CACNG3: variants seen among roughly 807,000 people sequenced by gnomAD.
The protein encoded by CACNG3 is calcium voltage-gated channel auxiliary subunit gamma 3.
A neutral mutation model predicts 28.5 loss-of-function variants in CACNG3; 3 were observed. The ratio of observed to expected loss-of-function variants is 0.11; its 90% CI spans 0.05 to 0.27. The LOEUF is 0.27. Ranked by LOEUF, CACNG3 falls within the 10% of genes least tolerant of loss-of-function variation. The probability of loss-of-function intolerance (pLI) is 1.00; values close to 1 mark genes in which losing one functional copy is unlikely to be tolerated. For missense variants in CACNG3, 236 were observed against 414.4 expected (o/e 0.57, Z 3.74); for synonymous variants, 174 against 162.2 (o/e 1.07, Z -0.55).
At chr16:24,339,437 G>A (rs564006751) in intron 1 of CACNG3, among the ~76,000 whole-genome samples, 12 of 151,140 alleles carry the variant, frequency 7.9e-5, no homozygotes, top group Middle Eastern at 3.4e-3. Flanking sequence ...TCAAGCTGGA[G>A]TGCAGTGGTG....
chr16:24,353,992 A>G (rs1377980173), intron 2 of CACNG3, among the ~76,000 whole-genome samples: 1 of 152,138 alleles, frequency 6.6e-6, no homozygotes, highest in Non-Finnish European at 1.5e-5. Context: ...CAGGAGTTCT[A>G]GACCAGCCTG....
At chr16:24,266,812 G>A (rs1336992373) in intron 1 of CACNG3, among the ~76,000 whole-genome samples, 1 of 152,132 alleles carries the variant, frequency 6.6e-6, no homozygotes, top group Non-Finnish European at 1.5e-5. Flanking sequence ...CTCACTTCCA[G>A]GGCAAGTCTG....
At chr16:24,303,301 T>C (rs1206496112) in intron 1 of CACNG3, among the ~76,000 whole-genome samples, 5 of 152,192 alleles carry the variant, frequency 3.3e-5, no homozygotes, top group Non-Finnish European at 7.3e-5. Context: ...TAGAAAGGTC[T>C]TCTCATGGTT....
chr16:24,287,716 A>G (rs1048724813), intron 1 of CACNG3, among the ~76,000 whole-genome samples: 3 of 152,154 alleles, frequency 2.0e-5, no homozygotes, highest in Non-Finnish European at 4.4e-5. Context: ...CCTTGGGGAC[A>G]GGTCAATGTC....
rs71154293 is a variant in CACNG3, at chr16:24,257,368, G to GGA, written c.211+462_211+463dup. Among the ~76,000 whole-genome samples, 423 of 52,834 alleles carry GGA rather than the reference G, an allele frequency of 8.0e-3. 56 individuals are homozygous for GGA. Among genetic ancestry groups the GGA allele is most frequent in the Non-Finnish European group, 0.011 (298 of 28,180 alleles). The allele number at this position is 52,834 out of a possible 152,430, so 34.7% of individuals were successfully genotyped here. On this transcript the variant is annotated intron_variant, in intron 1 of 3. Coordinates refer to ENST00000005284, the MANE Select transcript of CACNG3 (RefSeq NM_006539.4). ...GGGACAAGAGGAAAGAAGTGAGGGG[G>GGA]GAGAGAGAGAGAGAGAGAGAGAGAG... is the stretch of plus-strand genomic sequence containing the variant.
At chr16:24,267,130 C>A (rs770814450) in intron 1 of CACNG3, among the ~76,000 whole-genome samples, 1 of 151,908 alleles carries the variant, frequency 6.6e-6, no homozygotes, top group African/African-American at 2.4e-5. Context: ...CCACACCTGG[C>A]TAATTTTTTA....
At chr16:24,357,755 T>C (rs960350) in intron 3 of CACNG3, among the ~76,000 whole-genome samples, 54,219 of 152,116 alleles carry the variant, frequency 0.36, 10,832 homozygotes, top group Non-Finnish European at 0.47. Context: ...CCCATCCAGA[T>C]CTCCCGGGTG....
At chr16:24,278,757 T>G (rs1449410293) in intron 1 of CACNG3, among the ~76,000 whole-genome samples, 2 of 152,192 alleles carry the variant, frequency 1.3e-5, no homozygotes, top group African/African-American at 4.8e-5. Flanking sequence ...ATTAAAAACC[T>G]TAGGCACAGA....
rs940924114 is a variant in CACNG3 at position 24,341,549 on chromosome 16, C to A, written c.212-5185C>A. Among the ~76,000 whole-genome samples the A allele has an allele frequency of 2.6e-5, 4 of 152,190 alleles. 1 individual carries two copies. In the South Asian group the frequency reaches 6.2e-4, roughly 24 times the overall value. ...GTAAAGTGCTGAGAACAGCAACTGG[C>A]GTAATAACTGCTATTACTGCCTCAA... is the stretch of plus-strand genomic sequence containing the variant. On this transcript the variant is annotated intron_variant, in intron 1 of 3. Transcript: ENST00000005284.
At chr16:24,309,912 A>G (rs1899237732) in intron 1 of CACNG3, among the ~76,000 whole-genome samples, 1 of 152,202 alleles carries the variant, frequency 6.6e-6, no homozygotes, top group Non-Finnish European at 1.5e-5. Flanking sequence ...AGAAGGTGTC[A>G]TGCTACATCG....
At chr16:24,359,708 A>C (rs546290833) in intron 3 of CACNG3, among the ~76,000 whole-genome samples, 21 of 152,154 alleles carry the variant, frequency 1.4e-4, no homozygotes, top group African/African-American at 5.1e-4. Context: ...AAAAAAAAAA[A>C]TTAACTTAGC....
chr16:24,263,311 T>A (rs573668611), intron 1 of CACNG3, among the ~76,000 whole-genome samples: 1 of 152,370 alleles, frequency 6.6e-6, no homozygotes, highest in African/African-American at 2.4e-5. Flanking sequence ...GAACTAGTTT[T>A]GTCATTCTGC....
At chr16:24,339,118 C>T (rs566116280) in intron 1 of CACNG3, among the ~76,000 whole-genome samples, 92 of 152,250 alleles carry the variant, frequency 6.0e-4, no homozygotes, top group African/African-American at 2.2e-3. Flanking sequence ...TCCCTCCATA[C>T]TGTTTTAATT....
intron 1 of CACNG3, among the ~76,000 whole-genome samples, chr16:24,308,666 G>A (rs1202496838): frequency 6.6e-6 from 1 of 151,688 alleles, no homozygotes; most frequent in African/African-American, 2.4e-5. Context: ...ACCAGCCTGG[G>A]CAACTCCATC....
rs559785454 is a variant in CACNG3 at position 24,305,178 on chromosome 16, G to A, written c.212-41556G>A. ...CAAATGTGCCATTCTGGTGGGGGAT[G>A]TTGATAATAGGAGATGCTATGCATG... On this transcript the variant is annotated intron_variant, in intron 1 of 3. Coordinates refer to ENST00000005284, the MANE Select transcript of CACNG3 (RefSeq NM_006539.4). Among the ~76,000 whole-genome samples, 12 of 152,204 alleles carry A rather than the reference G, an allele frequency of 7.9e-5. No homozygotes were observed. The East Asian group carries it at 2.3e-3, about 29-fold the overall frequency.
rs1158587996 is a variant in CACNG3, at chr16:24,317,648, A to AAAAGAAAGAAAGAAAGAAAG, written c.212-29038_212-29019dup. On this transcript the variant is annotated intron_variant, in intron 1 of 3. Coordinates refer to ENST00000005284, the MANE Select transcript of CACNG3 (RefSeq NM_006539.4). The stretch of plus-strand genomic sequence containing the variant: ...AAAGACAGACAGAAAGAAAGAAAAG[A>AAAAGAAAGAAAGAAAGAAAG]AAAGAAAGAAAGAAAGAAAGAAAGA... Among the ~76,000 whole-genome samples the AAAAGAAAGAAAGAAAGAAAG allele has an allele frequency of 5.0e-4, 28 of 55,722 alleles. 1 individual carries two copies. Among genetic ancestry groups the AAAAGAAAGAAAGAAAGAAAG allele is most frequent in the Non-Finnish European group, 6.9e-4 (21 of 30,632 alleles). The allele number at this position is 55,722 out of a possible 152,430, so 36.6% of individuals were successfully genotyped here. A position where few individuals can be genotyped will look rare whatever the true frequency, so the allele number is the denominator to read the frequency against.
At chr16:24,296,980 G>A (rs965570427) in intron 1 of CACNG3, among the ~76,000 whole-genome samples, 10 of 152,118 alleles carry the variant, frequency 6.6e-5, no homozygotes, top group African/African-American at 2.4e-4. Flanking sequence ...AAATATTGAC[G>A]TTAGTTGGGT....
chr16:24,291,190 T>C (rs1898961728), intron 1 of CACNG3, among the ~76,000 whole-genome samples: 2 of 152,164 alleles, frequency 1.3e-5, no homozygotes, highest in Admixed American at 1.3e-4. Flanking sequence ...TTTTGGCACA[T>C]AGTTAGCCCT....
intron 1 of CACNG3, among the ~76,000 whole-genome samples, chr16:24,316,203 A>G (rs1261235860): frequency 9.3e-6 from 1 of 108,106 alleles, no homozygotes; most frequent in African/African-American, 2.8e-5. Context: ...ACTCTCAGGA[A>G]CCGTCTGGAC....
Sources: allele counts gnomAD v4.1 joint callset (sites outside exome capture counted in the v4.1 genomes callset), GRCh38; gene constraint gnomAD v4.1.1; transcripts MANE v1.5; gene names NCBI Gene and HGNC (gene_info 2026-07-23, HGNC 2026-07-21).